Variants in CAP2 observed in about 807,000 individuals in gnomAD.
CAP2 encodes adenylyl cyclase-associated protein 2.
A neutral mutation model predicts 57.7 loss-of-function variants in CAP2; 24 were observed. The ratio of observed to expected loss-of-function variants is 0.42; its 90% CI spans 0.30 to 0.58. The LOEUF (loss-of-function observed/expected upper bound fraction) is 0.58, where lower values mean the gene tolerates loss of function less well. CAP2 is among the 20% of genes least tolerant of loss of function. The probability of loss-of-function intolerance (pLI) is 0.22; values close to 1 mark genes in which losing one functional copy is unlikely to be tolerated. For missense variants in CAP2, 501 were observed against 590.3 expected (o/e 0.85, Z 1.57); for synonymous variants, 194 against 207.2 (o/e 0.94, Z 0.55).
chr6:17,523,225 T>TG (rs1452667827), intron 7 of CAP2, among the ~76,000 whole-genome samples: 4 of 152,112 alleles, frequency 2.6e-5, no homozygotes, highest in Admixed American at 2.0e-4. Flanking sequence ...GAGTAGCCAC[T>TG]GAGTTGGAGG....
intron 7 of CAP2, among the ~76,000 whole-genome samples, chr6:17,522,582 G>A (rs1762417330): frequency 6.6e-6 from 1 of 152,220 alleles, no homozygotes; most frequent in Non-Finnish European, 1.5e-5. Context: ...AACAGTAAAG[G>A]GAAGGGCAGT....
At chr6:17,554,930 C>T (rs1763259997) in intron 12 of CAP2, among the ~76,000 whole-genome samples, 1 of 152,212 alleles carries the variant, frequency 6.6e-6, no homozygotes, top group African/African-American at 2.4e-5. Context: ...TATTCTTTGT[C>T]TGTACGTGTG....
chr6:17,460,076 C>A (rs1760681247), intron 3 of CAP2, among the ~76,000 whole-genome samples: 2 of 152,058 alleles, frequency 1.3e-5, no homozygotes, highest in South Asian at 2.1e-4. Flanking sequence ...AGAAATAATT[C>A]TTGAGATATC....
chr6:17,450,921 G>T (rs1042052614), intron 3 of CAP2, among the ~76,000 whole-genome samples: 4 of 152,166 alleles, frequency 2.6e-5, no homozygotes, highest in Admixed American at 6.5e-5. Context: ...TGATTTGGTT[G>T]GTATTTGAGC....
At chr6:17,544,894 T>TTA (rs1273375085) in intron 11 of CAP2, among the ~76,000 whole-genome samples, 2 of 152,196 alleles carry the variant, frequency 1.3e-5, no homozygotes, top group Admixed American at 1.3e-4. Context: ...ATCCATTTAA[T>TTA]AACACTGCTT....
intron 6 of CAP2, among the ~76,000 whole-genome samples, chr6:17,512,093 A>T (rs572640001): frequency 5.9e-5 from 9 of 152,128 alleles, no homozygotes; most frequent in Non-Finnish European, 1.3e-4. Context: ...AAATTTTTTA[A>T]TGGAAAATAT....
chr6:17,477,992 AAATATATAT>A (rs1400010982), intron 4 of CAP2, among the ~76,000 whole-genome samples: 10 of 148,056 alleles, frequency 6.8e-5, no homozygotes, highest in African/African-American at 2.4e-4. Flanking sequence ...CATATATATG[AAATATATAT>A]AATATATATA....
intron 12 of CAP2, among the ~76,000 whole-genome samples, chr6:17,554,717 A>G (rs534133259): frequency 6.8e-4 from 104 of 152,358 alleles, no homozygotes; most frequent in African/African-American, 1.5e-3. Flanking sequence ...TGAGCACCGC[A>G]TGGACTGGAA....
At chr6:17,421,523 C>A (rs567724811) in intron 1 of CAP2, 32 bp from the exon 2 acceptor site, 38 of 1,613,526 alleles carry the variant, frequency 2.4e-5, no homozygotes, top group Non-Finnish European at 3.1e-5. Flanking sequence ...CTGATGCTCA[C>A]GCAGCCTCCA....
intron 1 of CAP2, among the ~76,000 whole-genome samples, chr6:17,404,300 A>C (rs922863645): frequency 2.0e-5 from 3 of 151,962 alleles, no homozygotes; most frequent in Non-Finnish European, 4.4e-5. Flanking sequence ...GTAAAACTCT[A>C]TCTCTATTAA....
At chr6:17,490,926 T>C (rs1310908156) in intron 4 of CAP2, among the ~76,000 whole-genome samples, 3 of 152,204 alleles carry the variant, frequency 2.0e-5, no homozygotes, top group African/African-American at 4.8e-5. Flanking sequence ...AGCTCAGCCC[T>C]CCTGCTGACA....
At chr6:17,483,133 A>T (rs954847083) in intron 4 of CAP2, among the ~76,000 whole-genome samples, 1 of 152,134 alleles carries the variant, frequency 6.6e-6, no homozygotes, top group Non-Finnish European at 1.5e-5. Context: ...TTTTCATAGG[A>T]GTCAGGCTGC....
intron 2 of CAP2, among the ~76,000 whole-genome samples, chr6:17,424,250 A>G (rs1489952006): frequency 6.6e-6 from 1 of 152,140 alleles, no homozygotes; most frequent in Admixed American, 6.5e-5. Flanking sequence ...AATGAAAAAA[A>G]TTAGCTGGGC....
At chr6:17,393,940 G>A (rs1480300736) in intron 1 of CAP2, among the ~76,000 whole-genome samples, 194 bp downstream of exon 1, 1 of 147,142 alleles carries the variant, frequency 6.8e-6, no homozygotes, top group Admixed American at 6.8e-5. Context: ...GCGGCGACCC[G>A]GGCGCGGGGC....
chr6:17,438,370 A>G (rs1307909247), intron 3 of CAP2, among the ~76,000 whole-genome samples: 1 of 150,680 alleles, frequency 6.6e-6, no homozygotes, highest in Admixed American at 6.6e-5. Flanking sequence ...CATCTCGAAA[A>G]ACAAACAAAA....
At position 17,426,642 on chromosome 6, in the gene CAP2, C is replaced by A; in HGVS notation, c.174C>A (p.Ala58=). The A allele has an allele frequency of 6.2e-7, 1 of 1,613,940 alleles. No homozygotes were observed. Among genetic ancestry groups the A allele is most frequent in the Non-Finnish European group, 8.5e-7 (1 of 1,179,946 alleles). ...ACAAGCTGATGGACAGTATGGTGGC[C>A]GAGTTTTTAAAGAACAGTAGGATCC... ...AFDKLMDSMV[A]EFLKNSRILA... is the part of the protein sequence containing the mutation. Residue 58 remains alanine, a synonymous_variant, in exon 3 of 13, where the codon GCC becomes GCA. Coordinates refer to ENST00000229922, the MANE Select transcript of CAP2 (RefSeq NM_006366.3).
At chr6:17,473,932 A>G (rs994948781) in intron 4 of CAP2, among the ~76,000 whole-genome samples, 1 of 152,240 alleles carries the variant, frequency 6.6e-6, no homozygotes, top group African/African-American at 2.4e-5. Context: ...TAAAACTACA[A>G]ATAATCTAAA....
At chr6:17,522,491 C>T (rs186162231) in intron 7 of CAP2, among the ~76,000 whole-genome samples, 1 of 152,322 alleles carries the variant, frequency 6.6e-6, no homozygotes, top group African/African-American at 2.4e-5. Context: ...GAATTAGACT[C>T]CTTCCTGGGT....
chr6:17,400,319 C>T (rs982404852), intron 1 of CAP2, among the ~76,000 whole-genome samples: 1 of 152,114 alleles, frequency 6.6e-6, no homozygotes. Context: ...GAGAAAATAA[C>T]CTCTGTTACT....
Sources: allele counts gnomAD v4.1 joint callset (sites outside exome capture counted in the v4.1 genomes callset), GRCh38; gene constraint gnomAD v4.1.1; transcripts MANE v1.5; gene names NCBI Gene and HGNC (gene_info 2026-07-23, HGNC 2026-07-21).